SCN2B: variants seen among roughly 807,000 people sequenced by gnomAD.
SCN2B encodes sodium voltage-gated channel beta subunit 2, also known as sodium channel regulatory subunit beta-2.
Under a neutral mutation model 18.2 loss-of-function variants are expected in SCN2B, and 14 were observed. The observed-to-expected ratio is 0.77, with a 90% CI of 0.51 to 1.21. The LOEUF (loss-of-function observed/expected upper bound fraction) is 1.21, where lower values mean the gene tolerates loss of function less well. Among genes scored for constraint, SCN2B ranks in the 50% most tolerant of loss-of-function variants. The pLI, the probability that SCN2B is intolerant of heterozygous loss-of-function variation, is 0.00. For missense variants in SCN2B, 262 were observed against 286.9 expected, an observed-to-expected ratio of 0.91 and a Z score of 0.63; for synonymous variants, 115 against 115.3, an observed-to-expected ratio of 1.00 and a Z score of 0.02.
chr11:118,176,311 T>G (rs763016163), intron 1 of SCN2B, 51 bp downstream of exon 1: 1 of 1,493,572 alleles, frequency 6.7e-7, no homozygotes, highest in South Asian at 1.1e-5. Context: ...CCTCTTCACA[T>G]TGCGGCTACA....
chr11:118,163,179 G>C lies in SCN2B; in HGVS notation c.*3708C>G, dbSNP rs989451772. 12 of 152,574 alleles carry C rather than the reference G, an allele frequency of 7.9e-5. No individual in the cohort carries two copies. The highest frequency in any genetic ancestry group is 2.7e-4 in the African/African-American group (11 of 41,432). 9.5% of individuals were successfully genotyped at this position (152,574 alleles called of 1,614,324 possible). ...TATAATATATCTATACCTAGAGAGA[G>C]AGACTATGTACAGTGCATCAGCAAG... is the stretch of plus-strand genomic sequence containing the variant. On this transcript the variant is annotated 3_prime_UTR_variant, in exon 4 of 4. Transcript: ENST00000278947.
At chr11:118,175,398 GT>G (rs995256560) in intron 1 of SCN2B, among the ~76,000 whole-genome samples, 1 of 152,214 alleles carries the variant, frequency 6.6e-6, no homozygotes, top group Non-Finnish European at 1.5e-5. Context: ...CACTGTCTGT[GT>G]TTAGCACTCC....
Position 118,166,914 on chromosome 11 carries a change from T to C in SCN2B, c.621A>G (p.Glu207=), listed in dbSNP as rs1469569581. 1 of 1,614,076 alleles carries C rather than the reference T, an allele frequency of 6.2e-7. No homozygotes were observed. Among genetic ancestry groups the C allele is most frequent in the East Asian group, 2.2e-5 (1 of 44,874 alleles). ...KTEEEGKTDG[E]GNPDDGAK ...ACTTGGCGCCATCATCCGGGTTGCCTTCACCGTCCGTCTTGCCCTCCTCCT... is the reference window on the plus strand; with the variant it reads ...ACTTGGCGCCATCATCCGGGTTGCCCTCACCGTCCGTCTTGCCCTCCTCCT... The change falls in exon 4 of 4, where the codon GAA becomes GAG. Residue 207 remains glutamate (E), a synonymous_variant. Transcript: ENST00000278947.
chr11:118,171,571 T>C (rs764028155), intron 1 of SCN2B, among the ~76,000 whole-genome samples: 1 of 152,196 alleles, frequency 6.6e-6, no homozygotes, highest in Non-Finnish European at 1.5e-5. Flanking sequence ...GCGGACTCTG[T>C]GCGGGCCTCT....
At chr11:118,172,741 C>T (rs1411759212) in intron 1 of SCN2B, among the ~76,000 whole-genome samples, 1 of 152,184 alleles carries the variant, frequency 6.6e-6, no homozygotes, top group African/African-American at 2.4e-5. Flanking sequence ...CCTCAGGCCT[C>T]GTGTCATCCA....
chr11:118,167,155 G>T, intron 3 of SCN2B, 69 bp from the exon 4 acceptor site: 1 of 1,487,294 alleles, frequency 6.7e-7, no homozygotes, highest in Non-Finnish European at 9.2e-7. Flanking sequence ...CCCACTACCC[G>T]TGGCATGCGT....
Position 118,173,234 on chromosome 11 carries a change from C to T in SCN2B, c.70+3128G>A, listed in dbSNP as rs563883893. Among the ~76,000 whole-genome samples, 3 of 152,346 alleles carry T rather than the reference C, an allele frequency of 2.0e-5. No homozygotes were observed. The East Asian group carries it at 5.8e-4, about 29-fold the overall frequency. ...CCTGCCAGCCCCCATCCCCCCAGGT[C>T]TCCTTCACTCCAGTGACCCCAGTTC... On this transcript the variant is annotated intron_variant, in intron 1 of 3. Coordinates refer to ENST00000278947, the MANE Select transcript of SCN2B (RefSeq NM_004588.5).
rs116944525 is a variant in SCN2B, at chr11:118,171,658, G to A, written c.71-2907C>T. On this transcript the variant is annotated intron_variant, in intron 1 of 3. Coordinates refer to ENST00000278947, the MANE Select transcript of SCN2B (RefSeq NM_004588.5). ...ATCTCGAAGGAGCTAGCACCCTGCC[G>A]TGGGGGAGGGCAGGGTAGAGAGGAG... is the stretch of plus-strand genomic sequence containing the variant. Among the ~76,000 whole-genome samples the A allele has an allele frequency of 5.7e-3, 876 of 152,352 alleles. 4 individuals are homozygous for A. Among genetic ancestry groups the A allele is most frequent in the East Asian group, 0.019 (101 of 5,182 alleles).
Position 118,168,735 on chromosome 11 carries a change from GCTCCGT to G in SCN2B, c.81_86del (p.Arg28_Ser29del). Reference sequence around the variant, plus strand: ...GGGTGGCAGGTACTGTGACCTCCATGCTCCGTCCTGGTGGCACTGCAGATGAAGCCA... The same window carrying G: ...GGGTGGCAGGTACTGTGACCTCCATGCCTGGTGGCACTGCAGATGAAGCCA... On this transcript the variant is annotated inframe_deletion, in exon 2 of 4. Transcript: ENST00000278947. The surrounding 1 kb of genome is among the most constrained non-coding windows in gnomAD (Gnocchi z 4.7). 1 of 1,614,208 alleles carries G rather than the reference GCTCCGT, an allele frequency of 6.2e-7. No homozygotes were observed. Among genetic ancestry groups the G allele is most frequent in the Non-Finnish European group, 8.5e-7 (1 of 1,180,034 alleles).
At position 118,167,012 on chromosome 11, in the gene SCN2B, A is replaced by G. The variant is rs757644485; in HGVS notation, c.523T>C (p.Leu175=). 3.1e-6 allele frequency: 5 copies of G among 1,613,996 alleles called. No individual in the cohort carries two copies. The African/African-American group carries it at 5.3e-5, about 17-fold the overall frequency. The part of the protein sequence containing the change: ...SVGGFLAVVI[L]VLMVVKCVRR... Reference sequence around the variant, plus strand: ...ACACACTTGACCACCATCAGCACCAAGATGACCACAGCCAGGAAGCCCCCG... The same window carrying G: ...ACACACTTGACCACCATCAGCACCAGGATGACCACAGCCAGGAAGCCCCCG... The change falls in exon 4 of 4, where the codon TTG becomes CTG. Residue 175 remains leucine (L), a synonymous_variant. Transcript: ENST00000278947.
Position 118,168,425 on chromosome 11 carries a change from G to A in SCN2B, c.238-130C>T. 4.0e-6 allele frequency: 5 copies of A among 1,255,806 alleles called. No homozygotes were observed. Among genetic ancestry groups the A allele is most frequent in the Non-Finnish European group, 5.8e-6 (5 of 857,222 alleles). The allele number at this position is 1,255,806 out of a possible 1,614,324, so 77.8% of individuals were successfully genotyped here. ...GGCAGTTACCTCTGTGAGGCACCTG[G>A]ATGCGCAGCACACCTTGTTTCAAGA... On this transcript the variant is annotated intron_variant, in intron 2 of 3. Coordinates refer to ENST00000278947, the MANE Select transcript of SCN2B (RefSeq NM_004588.5). The surrounding 1 kb of genome is among the most constrained non-coding windows in gnomAD (Gnocchi z 4.7).
intron 1 of SCN2B, among the ~76,000 whole-genome samples, chr11:118,172,386 G>A (rs1001251189): frequency 1.4e-4 from 22 of 152,366 alleles, no homozygotes; most frequent in Admixed American, 3.3e-4. Flanking sequence ...AAGAGGCGAA[G>A]CTAGAATCTG....
chr11:118,174,103 T>TTTTTG (rs1565464862), intron 1 of SCN2B, among the ~76,000 whole-genome samples: 7 of 128,124 alleles, frequency 5.5e-5, no homozygotes, highest in East Asian at 4.4e-4. Flanking sequence ...TTTTTTTTTT[T>TTTTTG]TTTTTTTTTT....
At chr11:118,174,122 T>G (rs530750179) in intron 1 of SCN2B, among the ~76,000 whole-genome samples, 1 of 122,946 alleles carries the variant, frequency 8.1e-6, no homozygotes, top group Admixed American at 8.6e-5. Flanking sequence ...TTTTTTTTTG[T>G]AGAGACAGGG....
At chr11:118,170,997 C>T (rs1159967595) in intron 1 of SCN2B, among the ~76,000 whole-genome samples, 2 of 152,056 alleles carry the variant, frequency 1.3e-5, no homozygotes, top group African/African-American at 4.8e-5. Context: ...TAGAAGCAGC[C>T]GCCCTGCAGC....
In SCN2B at chr11:118,164,252, C is replaced by T. The variant is rs1398217961; in HGVS notation, c.*2635G>A. 6.6e-6 allele frequency: 1 copy of T among 152,574 alleles called. No individual in the cohort carries two copies. Among genetic ancestry groups the T allele is most frequent in the Non-Finnish European group, 1.5e-5 (1 of 68,030 alleles). The allele number at this position is 152,574 out of a possible 1,614,324, so 9.5% of individuals were successfully genotyped here. A position where few individuals can be genotyped will look rare whatever the true frequency, so the allele number is the denominator to read the frequency against. On this transcript the variant is annotated 3_prime_UTR_variant, in exon 4 of 4. Coordinates refer to ENST00000278947, the MANE Select transcript of SCN2B (RefSeq NM_004588.5). ...CCTCACTCATCCTGGGAGAGAAGGA[C>T]ACTTAAAGGGTGACCAAAAAAATGA...
In SCN2B at chr11:118,165,509, C is replaced by T. The variant is rs944687195; in HGVS notation, c.*1378G>A. 7.4e-5 allele frequency: 10 copies of T among 135,902 alleles called. No individual in the cohort carries two copies. Among genetic ancestry groups the T allele is most frequent in the African/African-American group, 2.4e-4 (9 of 36,958 alleles). 8.4% of individuals were successfully genotyped at this position (135,902 alleles called of 1,614,324 possible). ...TTTTTGAGATGGAGTCTCTCTATGT[C>T]ACCCAGGCTGAATTGCAGTGGCACT... is the stretch of plus-strand genomic sequence containing the variant. On this transcript the variant is annotated 3_prime_UTR_variant, in exon 4 of 4. Transcript: ENST00000278947.
At position 118,174,655 on chromosome 11, in the gene SCN2B, T is replaced by G. The variant is rs139991505; in HGVS notation, c.70+1707A>C. 6.6e-3 allele frequency among the ~76,000 whole-genome samples: 999 copies of G among 152,206 alleles called. 4 individuals carry two copies. Among genetic ancestry groups the G allele is most frequent in the African/African-American group, 0.02 (836 of 41,540 alleles). The stretch of plus-strand genomic sequence containing the variant: ...TCTCCCACTCAGCTTTGCAGAAGCT[T>G]TAGCTTCCTCCCACTACCATCTCCC... On this transcript the variant is annotated intron_variant, in intron 1 of 3. Transcript: ENST00000278947.
intron 1 of SCN2B, among the ~76,000 whole-genome samples, chr11:118,171,312 A>G (rs1237969036): frequency 6.6e-6 from 1 of 152,192 alleles, no homozygotes; most frequent in Non-Finnish European, 1.5e-5. Flanking sequence ...GCCCAATTCC[A>G]TCTCCTGTAC....
Sources: allele counts gnomAD v4.1 joint callset (sites outside exome capture counted in the v4.1 genomes callset), GRCh38; gene constraint gnomAD v4.1.1; non-coding constraint Gnocchi (gnomAD v3.1); transcripts MANE v1.5; gene names NCBI Gene and HGNC (gene_info 2026-07-23, HGNC 2026-07-21).